Variants in MIPOL1 observed in about 807,000 individuals in gnomAD.
The protein encoded by MIPOL1 is mirror-image polydactyly gene 1 protein.
Under a neutral mutation model 60.9 loss-of-function variants are expected in MIPOL1, and 57 were observed. That is an observed-to-expected ratio of 0.94 (90% CI 0.76 to 1.17). The LOEUF is 1.17. MIPOL1 is among the 50% of genes most tolerant of loss of function. The pLI, the probability that MIPOL1 is intolerant of heterozygous loss-of-function variation, is 0.00. For missense variants in MIPOL1, 551 were observed against 511.6 expected (o/e 1.08, Z -0.74); for synonymous variants, 179 against 168.8 (o/e 1.06, Z -0.47).
At position 37,473,234 on chromosome 14, in the gene MIPOL1, C is replaced by T. The variant is rs186532005; in HGVS notation, c.1032-26674C>T. On this transcript the variant is annotated intron_variant, in intron 11 of 12. Coordinates refer to ENST00000684589, the MANE Select transcript of MIPOL1 (RefSeq NM_001388067.1). ...ATCCCACACCTCCCGCCTCTTTCTC[C>T]TGCTTCCTTTCTCACCATGTGATCT... is the stretch of plus-strand genomic sequence containing the variant. Among the ~76,000 whole-genome samples the T allele has an allele frequency of 1.2e-4, 18 of 152,280 alleles. No homozygotes were observed. In the East Asian group the frequency reaches 3.3e-3, roughly 28 times the overall value.
chr14:37,456,000 C>T (rs2094472981), intron 11 of MIPOL1, among the ~76,000 whole-genome samples: 1 of 151,810 alleles, frequency 6.6e-6, no homozygotes, highest in Admixed American at 6.6e-5. Context: ...TTCTGTTATT[C>T]AATTGTGTTT....
At chr14:37,449,256 G>T (rs2094383772) in intron 11 of MIPOL1, among the ~76,000 whole-genome samples, 1 of 151,720 alleles carries the variant, frequency 6.6e-6, no homozygotes, top group African/African-American at 2.4e-5. Flanking sequence ...AAAAAAAAAT[G>T]GAAGAAATCT....
chr14:37,356,032 G>GT lies in MIPOL1; in HGVS notation c.829-13484dup, dbSNP rs1199704684. Among the ~76,000 whole-genome samples, 5 of 144,470 alleles carry GT rather than the reference G, an allele frequency of 3.5e-5. No homozygotes were observed. The Admixed American group carries it at 3.5e-4, about 10-fold the overall frequency. 94.8% of individuals were successfully genotyped at this position (144,470 alleles called of 152,430 possible). A position where few individuals can be genotyped will look rare whatever the true frequency, so the allele number is the denominator to read the frequency against. On this transcript the variant is annotated intron_variant, in intron 9 of 12. Transcript: ENST00000684589. ...TCTGTTCTGTTTTTTCCCCATCTTT[G>GT]TGGTTTTATCTACTTTTGGTCTTTG...
intron 12 of MIPOL1, 30 bp downstream of exon 12, chr14:37,500,168 C>T: frequency 1.4e-6 from 2 of 1,391,256 alleles, no homozygotes; most frequent in South Asian, 1.2e-5. Flanking sequence ...AATAATACTT[C>T]AAACACATGA....
In MIPOL1 at chr14:37,319,330, A is replaced by G. The variant is rs537125663; in HGVS notation, c.828+10811A>G. Among the ~76,000 whole-genome samples the G allele has an allele frequency of 9.3e-4, 142 of 152,338 alleles. 2 individuals are homozygous for G. The highest frequency in any genetic ancestry group is 2.5e-3 in the African/African-American group (106 of 41,586). On this transcript the variant is annotated intron_variant, in intron 9 of 12. Coordinates refer to ENST00000684589, the MANE Select transcript of MIPOL1 (RefSeq NM_001388067.1). ...TTTAAAAATAAATATATATTTCTAAATAGCCTTCTTAGAAAAGTTGTACCT... is the reference window on the plus strand; with the variant it reads ...TTTAAAAATAAATATATATTTCTAAGTAGCCTTCTTAGAAAAGTTGTACCT...
At chr14:37,244,532 G>A (rs1448284530) in intron 1 of MIPOL1, among the ~76,000 whole-genome samples, 1 of 151,330 alleles carries the variant, frequency 6.6e-6, no homozygotes, top group Non-Finnish European at 1.5e-5. Flanking sequence ...ATCCTCTGTT[G>A]GTTATAGTAG....
intron 9 of MIPOL1, among the ~76,000 whole-genome samples, chr14:37,315,505 T>C (rs1488041572): frequency 6.6e-6 from 1 of 152,152 alleles, no homozygotes; most frequent in African/African-American, 2.4e-5. Context: ...GAGGAACAAG[T>C]GTAGATCAAG....
At chr14:37,437,591 T>A (rs2153563794) in intron 11 of MIPOL1, among the ~76,000 whole-genome samples, 1 of 152,298 alleles carries the variant, frequency 6.6e-6, no homozygotes, top group East Asian at 1.9e-4. Flanking sequence ...TTCCATTCAT[T>A]CTTTTGTATG....
chr14:37,246,277 C>T (rs1449386068), intron 1 of MIPOL1, among the ~76,000 whole-genome samples: 1 of 151,958 alleles, frequency 6.6e-6, no homozygotes, highest in Non-Finnish European at 1.5e-5. Context: ...CTGCCATAAG[C>T]ATTATTTTAT....
At chr14:37,420,766 G>T (rs749954169) in intron 10 of MIPOL1, among the ~76,000 whole-genome samples, 63 of 152,038 alleles carry the variant, frequency 4.1e-4, no homozygotes, top group Non-Finnish European at 8.4e-4. Flanking sequence ...TTCTTCTGAG[G>T]CTAGTGGGAT....
intron 10 of MIPOL1, among the ~76,000 whole-genome samples, chr14:37,374,676 C>T (rs2092726784): frequency 6.6e-6 from 1 of 152,006 alleles, no homozygotes; most frequent in Non-Finnish European, 1.5e-5. Flanking sequence ...TTCCAGTTTT[C>T]TCAAAGACCA....
At chr14:37,330,029 A>G (rs1424995329) in intron 9 of MIPOL1, among the ~76,000 whole-genome samples, 2 of 8,466 alleles carry the variant, frequency 2.4e-4, no homozygotes, top group African/African-American at 3.5e-4. Flanking sequence ...TAGCCAGAGA[A>G]GTAGTCATCA....
intron 1 of MIPOL1, among the ~76,000 whole-genome samples, chr14:37,203,280 C>A (rs2139132662): frequency 6.6e-6 from 1 of 152,284 alleles, no homozygotes; most frequent in African/African-American, 2.4e-5. Flanking sequence ...TTTGTTTTAA[C>A]TTTTCCTGGA....
chr14:37,539,043 A>T (rs374248696), intron 12 of MIPOL1, among the ~76,000 whole-genome samples: 1 of 152,106 alleles, frequency 6.6e-6, no homozygotes. Flanking sequence ...TCTACTAAAA[A>T]TACAAAAAAT....
At position 37,237,038 on chromosome 14, in the gene MIPOL1, G is replaced by A. The variant is rs560458282; in HGVS notation, c.-198-10065G>A. Among the ~76,000 whole-genome samples the A allele has an allele frequency of 3.3e-5, 5 of 152,108 alleles. No homozygotes were observed. The East Asian group carries it at 5.8e-4, about 18-fold the overall frequency. On this transcript the variant is annotated intron_variant, in intron 1 of 12. Coordinates refer to ENST00000684589, the MANE Select transcript of MIPOL1 (RefSeq NM_001388067.1). Reference sequence around the variant, plus strand: ...ACTTGGCTGCTTGTCATGTGGTCACGTGTTAATTTCCCAGAAAGTCTTGCT... The same window carrying A: ...ACTTGGCTGCTTGTCATGTGGTCACATGTTAATTTCCCAGAAAGTCTTGCT...
At chr14:37,264,378 T>C (rs1594797380) in intron 3 of MIPOL1, among the ~76,000 whole-genome samples, 1 of 151,218 alleles carries the variant, frequency 6.6e-6, no homozygotes, top group East Asian at 2.0e-4. Context: ...GTAATCCCAA[T>C]ACTTTGGGAG....
rs946956188 is a variant in MIPOL1 at position 37,546,897 on chromosome 14, C to T, written c.1263-8C>T. The T allele has an allele frequency of 3.1e-6, 5 of 1,612,752 alleles. No individual in the cohort carries two copies. The highest frequency in any genetic ancestry group is 4.2e-6 in the Non-Finnish European group (5 of 1,179,374). On this transcript the variant is annotated splice_polypyrimidine_tract_variant and splice_region_variant and intron_variant, in intron 12 of 12. Coordinates refer to ENST00000684589, the MANE Select transcript of MIPOL1 (RefSeq NM_001388067.1). ...CCCCTTCTCACCCCCATCCCAACCC[C>T]AACTTAGGTTGGAAAGGCTGGTGGA...
chr14:37,286,537 T>C (rs541166011), intron 7 of MIPOL1, among the ~76,000 whole-genome samples: 1 of 152,164 alleles, frequency 6.6e-6, no homozygotes, highest in African/African-American at 2.4e-5. Context: ...TATTTAATGA[T>C]CAATCAGCAT....
intron 9 of MIPOL1, among the ~76,000 whole-genome samples, chr14:37,347,902 G>A (rs144457131): frequency 2.0e-5 from 3 of 152,034 alleles, no homozygotes; most frequent in Non-Finnish European, 4.4e-5. Flanking sequence ...TTTTTTCTTC[G>A]TTAATAAAAC....
Sources: allele counts gnomAD v4.1 joint callset (sites outside exome capture counted in the v4.1 genomes callset), GRCh38; gene constraint gnomAD v4.1.1; transcripts MANE v1.5; gene names NCBI Gene and HGNC (gene_info 2026-07-23, HGNC 2026-07-21).